SHLD2: variants seen among roughly 807,000 people sequenced by gnomAD.
SHLD2 encodes the protein RINN1-REV7-interacting novel NHEJ regulator 2.
Under a neutral mutation model 73.2 loss-of-function variants are expected in SHLD2, and 30 were observed. The ratio of observed to expected loss-of-function variants is 0.41; its 90% confidence interval spans 0.31 to 0.56. SHLD2 has a LOEUF of 0.56. SHLD2 is among the 20% of genes least tolerant of loss of function. The pLI, the probability that SHLD2 is intolerant of heterozygous loss-of-function variation, is 0.28. For missense variants in SHLD2, 745 were observed against 1,055.9 expected (o/e 0.71, Z 4.08); for synonymous variants, 285 against 370.1 (o/e 0.77, Z 2.64).
chr10:87,148,203 C>G (rs991009844), intron 2 of SHLD2, among the ~76,000 whole-genome samples: 1 of 152,150 alleles, frequency 6.6e-6, no homozygotes, highest in African/African-American at 2.4e-5. Context: ...AAATTAAGCT[C>G]CTTAAAGCTC....
chr10:87,112,624 G>A (rs1403040769), intron 2 of SHLD2, among the ~76,000 whole-genome samples: 2 of 151,178 alleles, frequency 1.3e-5, no homozygotes, highest in African/African-American at 4.9e-5. Flanking sequence ...GGCAGAGCAA[G>A]ACCCTGTCTC....
chr10:87,110,241 A>G (rs1158370675), intron 2 of SHLD2, among the ~76,000 whole-genome samples: 1 of 152,134 alleles, frequency 6.6e-6, no homozygotes, highest in Non-Finnish European at 1.5e-5. Context: ...GTGAGCTATG[A>G]TTCTACCACT....
intron 2 of SHLD2, among the ~76,000 whole-genome samples, chr10:87,129,534 A>G (rs1844276812): frequency 6.6e-6 from 1 of 152,010 alleles, no homozygotes; most frequent in African/African-American, 2.4e-5. Flanking sequence ...CTGGACCTCC[A>G]GTTTTTTCTT....
chr10:87,152,002 G>C lies in SHLD2; in HGVS notation c.648G>C (p.Ser216=), dbSNP rs373275543. 5 of 1,611,862 alleles carry C rather than the reference G, an allele frequency of 3.1e-6. No homozygotes were observed. The highest frequency in any genetic ancestry group is 4.5e-5 in the East Asian group (2 of 44,870). ...ACCAGTGTTTGGGATTATTTTCCTC[G>C]AACGCAGTAGATAAGTCAAGGTCTG... is the stretch of plus-strand genomic sequence containing the variant. The part of the protein sequence containing the change: ...IQNQCLGLFS[S]NAVDKSRSEA... The change falls in exon 3 of 10, where the codon TCG becomes TCC. Residue 216 remains serine (S), a synonymous_variant. Transcript: ENST00000298786.
At chr10:87,178,731 A>T (rs1322006423) in intron 7 of SHLD2, among the ~76,000 whole-genome samples, 2 of 152,164 alleles carry the variant, frequency 1.3e-5, no homozygotes, top group East Asian at 3.8e-4. Flanking sequence ...AAAAAAAATA[A>T]TAATAATTTT....
chr10:87,098,016 C>T (rs566047432), intron 2 of SHLD2, among the ~76,000 whole-genome samples: 33 of 152,090 alleles, frequency 2.2e-4, no homozygotes, highest in African/African-American at 7.2e-4. Context: ...CCCGCCTTGG[C>T]CACCGAAAGT....
intron 4 of SHLD2, among the ~76,000 whole-genome samples, chr10:87,167,632 C>T (rs1409729581): frequency 1.3e-5 from 2 of 151,964 alleles, no homozygotes; most frequent in Non-Finnish European, 1.5e-5. Flanking sequence ...AAAGTGGGAC[C>T]TAATAATACT....
chr10:87,144,705 C>T (rs1240312985), intron 2 of SHLD2, among the ~76,000 whole-genome samples: 1 of 141,122 alleles, frequency 7.1e-6, no homozygotes, highest in Non-Finnish European at 1.5e-5. Flanking sequence ...TGGCTCACTG[C>T]AAGCTCCGCC....
intron 2 of SHLD2, among the ~76,000 whole-genome samples, chr10:87,150,989 C>G (rs1346561509): frequency 6.6e-6 from 1 of 151,842 alleles, no homozygotes; most frequent in East Asian, 2.0e-4. Flanking sequence ...CCACGCCCAG[C>G]TAATTTTTTG....
chr10:87,175,014 G>A (rs1847856757), intron 6 of SHLD2, among the ~76,000 whole-genome samples: 1 of 151,836 alleles, frequency 6.6e-6, no homozygotes, highest in Non-Finnish European at 1.5e-5. Context: ...CTACTCCGGA[G>A]GCTGAGGCAG....
Position 87,152,652 on chromosome 10 carries a change from A to T in SHLD2, c.1298A>T (p.Lys433Ile). 3.1e-6 allele frequency: 5 copies of T among 1,610,714 alleles called. No individual in the cohort carries two copies. Among genetic ancestry groups the T allele is most frequent in the Non-Finnish European group, 4.2e-6 (5 of 1,179,508 alleles). Residue 433 changes from lysine to isoleucine, a missense_variant, in exon 3 of 10, where the codon AAA becomes ATA. By Grantham distance (102) the Lys-to-Ile change is moderately radical. Around this residue, in one of 5 missense-constraint regions of SHLD2, gnomAD observed 418 missense variants for 567.8 expected, o/e 0.74. Coordinates refer to ENST00000298786, the MANE Select transcript of SHLD2 (RefSeq NM_001330112.2). ...AGTATTAAAAAAACATCATTAATAA[A>T]AAACTGTGATTCTAAAAGCCAGAAG... ...FKSIKKTSLI[K>I]NCDSKSQKYN...
intron 2 of SHLD2, among the ~76,000 whole-genome samples, chr10:87,113,462 G>A (rs1357796595): frequency 3.3e-5 from 5 of 152,150 alleles, no homozygotes; most frequent in Admixed American, 2.0e-4. Context: ...AAGAAGCCAC[G>A]AAAGATCACA....
chr10:87,135,745 C>A (rs2134186923), intron 2 of SHLD2, among the ~76,000 whole-genome samples: 1 of 151,408 alleles, frequency 6.6e-6, no homozygotes, highest in Admixed American at 6.6e-5. Flanking sequence ...ATGCAATCCT[C>A]CCACTTCAGC....
intron 7 of SHLD2, among the ~76,000 whole-genome samples, chr10:87,179,476 A>C (rs1347371634): frequency 4.0e-5 from 6 of 150,512 alleles, no homozygotes; most frequent in Non-Finnish European, 8.8e-5. Flanking sequence ...ATCTCGGCTC[A>C]CTATAAGCTC....
intron 2 of SHLD2, among the ~76,000 whole-genome samples, chr10:87,108,021 T>G (rs1262281590): frequency 6.6e-6 from 1 of 152,066 alleles, no homozygotes; most frequent in Non-Finnish European, 1.5e-5. Flanking sequence ...GTAGCTGGAA[T>G]TGCAGGTACA....
At chr10:87,173,966 T>C (rs1169981961) in intron 6 of SHLD2, among the ~76,000 whole-genome samples, 4 of 152,082 alleles carry the variant, frequency 2.6e-5, no homozygotes, top group Non-Finnish European at 5.9e-5. Context: ...AGAGAAGATA[T>C]GGGAAAACAG....
At position 87,114,117 on chromosome 10, in the gene SHLD2, C is replaced by G. The variant is rs371736773; in HGVS notation, c.-6+17128C>G. The G allele has an allele frequency of 3.3e-5, 5 of 152,152 alleles. No individual in the cohort carries two copies. The East Asian group carries it at 9.7e-4, about 29-fold the overall frequency. 9.4% of individuals were successfully genotyped at this position (152,152 alleles called of 1,614,324 possible). A position where few individuals can be genotyped will look rare whatever the true frequency, so the allele number is the denominator to read the frequency against. On this transcript the variant is annotated intron_variant, in intron 2 of 9. Transcript: ENST00000298786. The stretch of plus-strand genomic sequence containing the variant: ...TAGTTAACCCAGTTAACTTCTGTGT[C>G]TTATATTTGTCTTTGTACTGAAGTA...
upstream of SHLD2, chr10:87,094,596 G>T: frequency 3.5e-5 from 57 of 1,611,094 alleles, no homozygotes; most frequent in Non-Finnish European, 4.8e-5. This position sits in a 1 kb window ranked among gnomAD's most constrained non-coding sequence, Gnocchi z 6.6. Flanking sequence ...CCTCGCGGTC[G>T]GCCACCGCCT....
chr10:87,147,089 CA>C (rs1214586181), intron 2 of SHLD2, among the ~76,000 whole-genome samples: 2 of 99,168 alleles, frequency 2.0e-5, no homozygotes, highest in Admixed American at 9.0e-5. Context: ...AAAAAAAAAA[CA>C]AAAAAACCTT....
Sources: allele counts gnomAD v4.1 joint callset (sites outside exome capture counted in the v4.1 genomes callset), GRCh38; gene constraint gnomAD v4.1.1; regional missense constraint gnomAD v4.1.1; non-coding constraint Gnocchi (gnomAD v3.1); transcripts MANE v1.5; gene names NCBI Gene and HGNC (gene_info 2026-07-23, HGNC 2026-07-21).